The following COL8A1 variants were observed in gnomAD, a reference collection of about 807,000 sequenced individuals.
COL8A1 encodes the protein collagen type VIII alpha 1 chain.
Under a neutral mutation model 42.7 loss-of-function variants are expected in COL8A1, and 21 were observed. The observed-to-expected ratio is 0.49, with a 90% CI of 0.35 to 0.71. The LOEUF (loss-of-function observed/expected upper bound fraction) is 0.71. Among genes scored for constraint, COL8A1 ranks in the 30% least tolerant of loss-of-function variants. The pLI, the probability that COL8A1 is intolerant of heterozygous loss-of-function variation, is 0.01. For missense variants in COL8A1, 788 were observed against 962.4 expected, an observed-to-expected ratio of 0.82 and a Z score of 2.40; for synonymous variants, 367 against 369.1, an observed-to-expected ratio of 0.99 and a Z score of 0.06.
intron 1 of COL8A1, among the ~76,000 whole-genome samples, chr3:99,697,194 G>A (rs1211195205): frequency 6.6e-6 from 1 of 151,620 alleles, no homozygotes; most frequent in Non-Finnish European, 1.5e-5. Context: ...CACCGTTTTA[G>A]CCGGGATGGT....
intron 1 of COL8A1, among the ~76,000 whole-genome samples, chr3:99,686,304 A>C (rs2107328626): frequency 6.6e-6 from 1 of 152,370 alleles, no homozygotes; most frequent in Non-Finnish European, 1.5e-5. Flanking sequence ...TTTAGTATAA[A>C]CCTTGTTAAC....
chr3:99,730,650 G>T (rs543903621), intron 1 of COL8A1, among the ~76,000 whole-genome samples: 1 of 152,208 alleles, frequency 6.6e-6, no homozygotes, highest in African/African-American at 2.4e-5. Context: ...ATTAAGACTT[G>T]TTCCTTACTC....
At chr3:99,773,815 G>GTATATATA (rs1553682062) in intron 2 of COL8A1, among the ~76,000 whole-genome samples, 3 of 35,914 alleles carry the variant, frequency 8.4e-5, no homozygotes, top group East Asian at 9.4e-4. Flanking sequence ...ATATATGTGT[G>GTATATATA]TATATATATA....
chr3:99,772,147 C>T (rs116154568), intron 2 of COL8A1, among the ~76,000 whole-genome samples: 2,034 of 152,142 alleles, frequency 0.013, 44 homozygotes, highest in African/African-American at 0.046. Context: ...TTATTGAGTG[C>T]TAAAATCAAA....
intron 1 of COL8A1, among the ~76,000 whole-genome samples, chr3:99,709,759 G>A (rs1329890902): frequency 6.6e-6 from 1 of 152,170 alleles, no homozygotes; most frequent in African/African-American, 2.4e-5. Flanking sequence ...GGCATTATCA[G>A]TGATTAAAAT....
At chr3:99,781,588 T>C (rs1162599870) in intron 2 of COL8A1, among the ~76,000 whole-genome samples, 1 of 152,220 alleles carries the variant, frequency 6.6e-6, no homozygotes, top group East Asian at 1.9e-4. Context: ...ATGTCCACTT[T>C]AATGGATTAC....
chr3:99,718,001 A>G (rs974960544), intron 1 of COL8A1, among the ~76,000 whole-genome samples: 4 of 151,880 alleles, frequency 2.6e-5, no homozygotes, highest in East Asian at 1.9e-4. Context: ...CGTCCATTCC[A>G]TTGCCAAATT....
At position 99,794,564 on chromosome 3, in the gene COL8A1, A is replaced by G. The variant is rs1326943206; in HGVS notation, c.663A>G (p.Pro221=). ...CAGGGTTACCAGGGCAACCAGGACC[A>G]AAGGGTGATCGAGGACCCAAAGGAC... The part of the protein sequence containing the change: ...GGPGLPGQPG[P]KGDRGPKGLP... The change falls in exon 4 of 4, where the codon CCA becomes CCG. Residue 221 remains proline, a synonymous_variant. Coordinates refer to ENST00000652472, the MANE Select transcript of COL8A1 (RefSeq NM_020351.4). This position sits in a 1 kb window ranked among gnomAD's most constrained non-coding sequence, Gnocchi z 4.3. 1 of 1,613,722 alleles carries G rather than the reference A, an allele frequency of 6.2e-7. No homozygotes were observed. The highest frequency in any genetic ancestry group is 1.1e-5 in the South Asian group (1 of 91,068).
At chr3:99,770,933 G>A (rs1255290816) in intron 2 of COL8A1, among the ~76,000 whole-genome samples, 7 of 152,288 alleles carry the variant, frequency 4.6e-5, no homozygotes, top group Middle Eastern at 3.4e-3. Flanking sequence ...CACTGCCTTC[G>A]CCAGAGTGGT....
At chr3:99,738,353 G>T (rs1940795382) in intron 1 of COL8A1, among the ~76,000 whole-genome samples, 1 of 152,202 alleles carries the variant, frequency 6.6e-6, no homozygotes. Flanking sequence ...CATCTTTGTG[G>T]TTTTATCTGC....
intron 1 of COL8A1, among the ~76,000 whole-genome samples, chr3:99,690,782 A>G (rs550017328): frequency 3.9e-5 from 6 of 152,376 alleles, no homozygotes; most frequent in Admixed American, 1.3e-4. Context: ...ATGAATGGAC[A>G]GCTGTTAAAA....
chr3:99,780,907 T>C (rs573361968), intron 2 of COL8A1, among the ~76,000 whole-genome samples: 4 of 152,278 alleles, frequency 2.6e-5, no homozygotes, highest in South Asian at 2.1e-4. Flanking sequence ...AATACCAAGA[T>C]AGCTGTGGTT....
At chr3:99,763,823 G>T (rs956334841) in intron 2 of COL8A1, among the ~76,000 whole-genome samples, 4 of 152,030 alleles carry the variant, frequency 2.6e-5, no homozygotes, top group Non-Finnish European at 4.4e-5. Context: ...AAGTAACCAT[G>T]CATTTGACCC....
At chr3:99,746,895 T>A (rs1559625884) in intron 2 of COL8A1, among the ~76,000 whole-genome samples, 1 of 152,220 alleles carries the variant, frequency 6.6e-6, no homozygotes, top group Non-Finnish European at 1.5e-5. Flanking sequence ...TAATAAAGAA[T>A]TTTTTGAATG....
At chr3:99,676,692 G>T (rs1268925223) in intron 1 of COL8A1, among the ~76,000 whole-genome samples, 5 of 152,120 alleles carry the variant, frequency 3.3e-5, no homozygotes, top group African/African-American at 1.2e-4. Flanking sequence ...AATTATGCTA[G>T]AGGTCCTATT....
intron 1 of COL8A1, among the ~76,000 whole-genome samples, chr3:99,674,042 T>A (rs1313094350): frequency 6.6e-6 from 1 of 152,084 alleles, no homozygotes; most frequent in Admixed American, 6.6e-5. Context: ...AATGATTTCA[T>A]GAATTTTGGG....
chr3:99,770,845 A>T (rs1264155985), intron 2 of COL8A1, among the ~76,000 whole-genome samples: 1 of 152,192 alleles, frequency 6.6e-6, no homozygotes, highest in Non-Finnish European at 1.5e-5. Flanking sequence ...GCAATGAATA[A>T]ATTAAATAAG....
chr3:99,696,188 A>C (rs2107340350), intron 1 of COL8A1, among the ~76,000 whole-genome samples: 1 of 152,338 alleles, frequency 6.6e-6, no homozygotes. Flanking sequence ...TATAAAGGTA[A>C]ATCGTTTTTT....
At chr3:99,738,617 CT>C (rs1188992329) in intron 1 of COL8A1, among the ~76,000 whole-genome samples, 2 of 152,236 alleles carry the variant, frequency 1.3e-5, no homozygotes, top group African/African-American at 4.8e-5. Flanking sequence ...AGAACCACTG[CT>C]CTCTTTAAAG....
Sources: gnomAD v4.1 joint callset for allele counts (sites outside exome capture counted in the v4.1 genomes callset) on GRCh38, gnomAD v4.1.1 for gene constraint, Gnocchi (gnomAD v3.1) non-coding constraint, MANE v1.5 for transcripts, NCBI Gene and HGNC (gene_info 2026-07-23, HGNC 2026-07-21) for gene names.